MET: variants seen among roughly 807,000 people sequenced by gnomAD.
MET encodes hepatocyte growth factor receptor.
A neutral mutation model predicts 133.1 loss-of-function variants in MET; 48 were observed. The ratio of observed to expected loss-of-function variants is 0.36; its 90% confidence interval spans 0.29 to 0.46. The LOEUF (loss-of-function observed/expected upper bound fraction) is 0.46, where lower values mean the gene tolerates loss of function less well. Among genes scored for constraint, MET ranks in the 20% least tolerant of loss-of-function variants. MET has a pLI of 1.00. For missense variants in MET, 1,442 were observed against 1,695.9 expected (o/e 0.85, Z 2.63); for synonymous variants, 628 against 616.5 (o/e 1.02, Z -0.28).
chr7:116,741,156 A>G (rs1460441653), intron 5 of MET, 131 bp downstream of exon 5: 5 of 1,064,498 alleles, frequency 4.7e-6, no homozygotes, highest in Non-Finnish European at 6.7e-6. Context: ...AAATCAATTT[A>G]CTCATTTAGC....
chr7:116,729,087 A>G (rs1356480828), intron 2 of MET, among the ~76,000 whole-genome samples: 2 of 152,366 alleles, frequency 1.3e-5, no homozygotes, highest in Admixed American at 1.3e-4. Flanking sequence ...AAAATGGATG[A>G]TTGATCACCA....
At chr7:116,709,237 A>G (rs967845001) in intron 2 of MET, among the ~76,000 whole-genome samples, 1 of 152,234 alleles carries the variant, frequency 6.6e-6, no homozygotes, top group African/African-American at 2.4e-5. Context: ...GTTCATCTAT[A>G]CATATTTAAT....
chr7:116,674,515 G>A (rs2116430151), intron 1 of MET, among the ~76,000 whole-genome samples: 1 of 152,092 alleles, frequency 6.6e-6, no homozygotes, highest in South Asian at 2.1e-4. Context: ...GTTTGAAGTA[G>A]CATTAGTCAT....
intron 13 of MET, 75 bp from the exon 14 acceptor site, chr7:116,771,774 T>C (rs1794841711): frequency 3.7e-6 from 6 of 1,611,076 alleles, no homozygotes; most frequent in Non-Finnish European, 5.1e-6. Context: ...CCATGAGTTC[T>C]GGGCACTGGG....
chr7:116,736,078 G>C (rs1050299214), intron 3 of MET, among the ~76,000 whole-genome samples: 1 of 152,026 alleles, frequency 6.6e-6, no homozygotes, highest in African/African-American at 2.4e-5. Context: ...GTGCCCACAA[G>C]ATTTGGTATA....
At chr7:116,749,293 G>T (rs1793825546) in intron 5 of MET, among the ~76,000 whole-genome samples, 1 of 152,174 alleles carries the variant, frequency 6.6e-6, no homozygotes, top group Non-Finnish European at 1.5e-5. Flanking sequence ...GGAATGTAAG[G>T]CTGGTTCAAC....
intron 6 of MET, 55 bp from the exon 7 acceptor site, chr7:116,757,379 ACCT>A: frequency 7.1e-7 from 1 of 1,405,694 alleles, no homozygotes; most frequent in South Asian, 1.2e-5. Flanking sequence ...CTATAAAACA[ACCT>A]AACCAGAAAA....
At chr7:116,740,176 CTT>C in intron 4 of MET, 92 bp downstream of exon 4, 1 of 1,439,474 alleles carries the variant, frequency 6.9e-7, no homozygotes, top group Non-Finnish European at 9.8e-7. Context: ...TAATGTCTCT[CTT>C]CATCTTAAAT....
chr7:116,786,020 A>T (rs1416493228), intron 19 of MET, among the ~76,000 whole-genome samples: 2 of 152,250 alleles, frequency 1.3e-5, no homozygotes, highest in African/African-American at 4.8e-5. Flanking sequence ...GCTGTCATAC[A>T]ATAGACCACA....
intron 11 of MET, among the ~76,000 whole-genome samples, chr7:116,765,363 A>T (rs527977246): frequency 1.3e-5 from 2 of 151,776 alleles, no homozygotes; most frequent in East Asian, 3.9e-4. Context: ...TTAGAATGAG[A>T]TATGCTCTTT....
At chr7:116,782,543 C>G (rs992676718) in intron 18 of MET, among the ~76,000 whole-genome samples, 3 of 152,176 alleles carry the variant, frequency 2.0e-5, no homozygotes, top group Non-Finnish European at 4.4e-5. Context: ...AATGAATATA[C>G]AAAGAACTTT....
intron 2 of MET, among the ~76,000 whole-genome samples, chr7:116,703,106 AT>A (rs1371557285): frequency 6.6e-6 from 1 of 152,142 alleles, no homozygotes; most frequent in African/African-American, 2.4e-5. Context: ...CCCATAAGCT[AT>A]TTGTGCTTCA....
intron 2 of MET, among the ~76,000 whole-genome samples, chr7:116,718,494 A>C (rs546113994): frequency 9.9e-5 from 15 of 152,112 alleles, no homozygotes; most frequent in Non-Finnish European, 1.6e-4. Context: ...GAAGTGGATA[A>C]GCCTTTTTTT....
intron 13 of MET, 51 bp downstream of exon 13, chr7:116,771,705 A>G: frequency 1.2e-6 from 2 of 1,609,598 alleles, no homozygotes; most frequent in Non-Finnish European, 1.7e-6. Flanking sequence ...GAACACAGTC[A>G]TTACAGTTTA....
At chr7:116,747,613 C>T (rs1415240684) in intron 5 of MET, among the ~76,000 whole-genome samples, 1 of 152,176 alleles carries the variant, frequency 6.6e-6, no homozygotes, top group Admixed American at 6.5e-5. Flanking sequence ...CAGGAACACC[C>T]AGATTCGTAA....
intron 19 of MET, among the ~76,000 whole-genome samples, chr7:116,784,798 A>T (rs1203616586): frequency 2.6e-5 from 4 of 152,136 alleles, no homozygotes; most frequent in Non-Finnish European, 4.4e-5. Flanking sequence ...CCTTCCCAAC[A>T]GTCCCCCAAA....
At chr7:116,689,516 T>C (rs148666768) in intron 1 of MET, among the ~76,000 whole-genome samples, 131 of 150,898 alleles carry the variant, frequency 8.7e-4, no homozygotes, top group East Asian at 9.8e-4. Context: ...CTCAGCATCC[T>C]ATATCTTTAC....
intron 1 of MET, among the ~76,000 whole-genome samples, chr7:116,678,658 G>A (rs1796243803): frequency 6.6e-6 from 1 of 152,154 alleles, no homozygotes; most frequent in African/African-American, 2.4e-5. Context: ...CCCAGCCAAG[G>A]TTTGGGTCCA....
intron 1 of MET, among the ~76,000 whole-genome samples, chr7:116,697,881 G>C (rs1797020463): frequency 6.6e-6 from 1 of 152,138 alleles, no homozygotes; most frequent in South Asian, 2.1e-4. Flanking sequence ...GCATATATGT[G>C]TTATCACTCA....
Sources: gnomAD v4.1 joint callset for allele counts (sites outside exome capture counted in the v4.1 genomes callset) on GRCh38, gnomAD v4.1.1 for gene constraint, MANE v1.5 for transcripts, NCBI Gene and HGNC (gene_info 2026-07-23, HGNC 2026-07-21) for gene names.